RNF138: variants seen among roughly 807,000 people sequenced by gnomAD.
RNF138 encodes ring finger protein 138, also known as E3 ubiquitin-protein ligase RNF138.
Under a neutral mutation model 31.0 loss-of-function variants are expected in RNF138, and 12 were observed. The ratio of observed to expected loss-of-function variants is 0.39; its 90% CI spans 0.25 to 0.63. RNF138 has a LOEUF of 0.63. Among genes scored for constraint, RNF138 ranks in the 20% least tolerant of loss-of-function variants. The pLI, the probability that RNF138 is intolerant of heterozygous loss-of-function variation, is 0.52. For missense variants in RNF138, 192 were observed against 300.1 expected, an observed-to-expected ratio of 0.64 and a Z score of 2.66; for synonymous variants, 105 against 99.5, an observed-to-expected ratio of 1.06 and a Z score of -0.33.
chr18:32,119,339 G>T (rs1243185860), intron 4 of RNF138, among the ~76,000 whole-genome samples: 5 of 152,192 alleles, frequency 3.3e-5, no homozygotes, highest in African/African-American at 1.2e-4. Context: ...GGATCAAACA[G>T]TCCTCCCGCC....
chr18:32,128,851 A>G lies in RNF138; in HGVS notation c.670-268A>G, dbSNP rs911705659. Among the ~76,000 whole-genome samples the G allele has an allele frequency of 9.9e-5, 15 of 152,206 alleles. No homozygotes were observed. In the South Asian group the frequency reaches 1.0e-3, roughly 11 times the overall value. On this transcript the variant is annotated intron_variant, in intron 7 of 7. Coordinates refer to ENST00000261593, the MANE Select transcript of RNF138 (RefSeq NM_016271.5). ...TTTATGAATGACTTATAAAGGCATT[A>G]TAACACTCAAATTTTGTTCTGTGAT...
At chr18:32,108,900 T>TC (rs1444484652) in intron 2 of RNF138, among the ~76,000 whole-genome samples, 3 of 152,068 alleles carry the variant, frequency 2.0e-5, no homozygotes, top group Non-Finnish European at 4.4e-5. Flanking sequence ...CAGGCTGGCC[T>TC]CAAGTAATCC....
chr18:32,119,862 T>C (rs923729498), intron 4 of RNF138, among the ~76,000 whole-genome samples: 1 of 152,218 alleles, frequency 6.6e-6, no homozygotes, highest in Non-Finnish European at 1.5e-5. Context: ...ATAATCTAAT[T>C]AGTTATTACT....
At chr18:32,100,018 C>T (rs1022895343) in intron 2 of RNF138, among the ~76,000 whole-genome samples, 1 of 152,186 alleles carries the variant, frequency 6.6e-6, no homozygotes, top group Non-Finnish European at 1.5e-5. Flanking sequence ...GATTTGAGAA[C>T]TGTCAATTAT....
At position 32,113,759 on chromosome 18, in the gene RNF138, C is replaced by T; in HGVS notation, c.291C>T (p.Arg97=). The change falls in exon 4 of 8, where the codon CGC becomes CGT. Residue 97 remains arginine (R), a synonymous_variant. Coordinates refer to ENST00000261593, the MANE Select transcript of RNF138 (RefSeq NM_016271.5). The part of the protein sequence containing the change: ...RCCAKQIKFY[R]MRHHYKSCKK... ...ATAATTTACAGATTAAATTCTATCG[C>T]ATGAGACATCATTACAAATCTTGTA... The T allele has an allele frequency of 1.4e-6, 2 of 1,437,590 alleles. No individual in the cohort carries two copies. Among genetic ancestry groups the T allele is most frequent in the East Asian group, 2.5e-5 (1 of 40,344 alleles). The allele number at this position is 1,437,590 out of a possible 1,614,324, so 89.1% of individuals were successfully genotyped here. A position where few individuals can be genotyped will look rare whatever the true frequency, so the allele number is the denominator to read the frequency against.
chr18:32,127,429 C>T (rs1406181226), intron 7 of RNF138, among the ~76,000 whole-genome samples: 1 of 152,074 alleles, frequency 6.6e-6, no homozygotes, highest in African/African-American at 2.4e-5. Flanking sequence ...TTAATCAAAA[C>T]TTTATTTAAG....
intron 4 of RNF138, among the ~76,000 whole-genome samples, chr18:32,121,972 G>A (rs1482049634): frequency 4.6e-5 from 7 of 152,026 alleles, no homozygotes; most frequent in Non-Finnish European, 7.4e-5. Context: ...GGTTTCAAGC[G>A]ATTCTCATGC....
At position 32,129,964 on chromosome 18, in the gene RNF138, T is replaced by TAA. The variant is rs1350189955; in HGVS notation, c.*778_*779dup. On this transcript the variant is annotated 3_prime_UTR_variant, in exon 8 of 8. Coordinates refer to ENST00000261593, the MANE Select transcript of RNF138 (RefSeq NM_016271.5). ...TCAGTAGCCAGTATTTCTGATTAAC[T>TAA]AAGTTGAAACTCTTATTAGAAACTT... 4 of 152,190 alleles carry TAA rather than the reference T, an allele frequency of 2.6e-5. No homozygotes were observed. Among genetic ancestry groups the TAA allele is most frequent in the African/African-American group, 9.6e-5 (4 of 41,460 alleles). 9.4% of individuals were successfully genotyped at this position (152,190 alleles called of 1,614,324 possible). A position where few individuals can be genotyped will look rare whatever the true frequency, so the allele number is the denominator to read the frequency against.
At chr18:32,108,797 T>G (rs986987084) in intron 2 of RNF138, among the ~76,000 whole-genome samples, 2 of 152,166 alleles carry the variant, frequency 1.3e-5, no homozygotes, top group Admixed American at 6.5e-5. Flanking sequence ...GTCTCTCAAG[T>G]AGCTAGGACT....
intron 2 of RNF138, among the ~76,000 whole-genome samples, chr18:32,102,898 A>T (rs949883480): frequency 6.6e-6 from 1 of 150,468 alleles, no homozygotes; most frequent in African/African-American, 2.4e-5. Context: ...CACAAAGTGT[A>T]GGGATTACAG....
At position 32,131,221 on chromosome 18, in the gene RNF138, A is replaced by G. The variant is rs2040472033; in HGVS notation, c.*2034A>G. ...TCATTGATAGTCTTGTGTGTCTCACATATCAGCTTTTTCATAAGGAAAATA... is the reference window on the plus strand; with the variant it reads ...TCATTGATAGTCTTGTGTGTCTCACGTATCAGCTTTTTCATAAGGAAAATA... On this transcript the variant is annotated 3_prime_UTR_variant, in exon 8 of 8. Transcript: ENST00000261593. 6.6e-6 allele frequency: 1 copy of G among 152,166 alleles called. No individual in the cohort carries two copies. The highest frequency in any genetic ancestry group is 1.5e-5 in the Non-Finnish European group (1 of 67,956). The allele number at this position is 152,166 out of a possible 1,614,324, so 9.4% of individuals were successfully genotyped here.
At chr18:32,115,161 G>C (rs1377711033) in intron 4 of RNF138, among the ~76,000 whole-genome samples, 2 of 152,082 alleles carry the variant, frequency 1.3e-5, no homozygotes, top group African/African-American at 4.8e-5. Context: ...CATATCTCCA[G>C]CTTTTAGTAA....
At chr18:32,124,309 A>T (rs560943852) in intron 5 of RNF138, 184 of 154,780 alleles carry the variant, frequency 1.2e-3, no homozygotes, top group Non-Finnish European at 1.8e-3. Flanking sequence ...TACGATATTG[A>T]TGGAAGTCTT....
intron 5 of RNF138, 74 bp downstream of exon 5, chr18:32,123,648 T>G: frequency 9.7e-7 from 1 of 1,034,560 alleles, no homozygotes. Context: ...CTTTTTAAAT[T>G]AAACTTTTTT....
Position 32,120,518 on chromosome 18 carries a change from G to A in RNF138, c.393-3000G>A, listed in dbSNP as rs568750864. Reference sequence around the variant, plus strand: ...ATTATGGAGATTGAATTTTATTGGTGTTTCTGTATCTGATAAAATCATAAG... The same window carrying A: ...ATTATGGAGATTGAATTTTATTGGTATTTCTGTATCTGATAAAATCATAAG... On this transcript the variant is annotated intron_variant, in intron 4 of 7. Transcript: ENST00000261593. 3.3e-5 allele frequency among the ~76,000 whole-genome samples: 5 copies of A among 151,278 alleles called. No homozygotes were observed. In the South Asian group the frequency reaches 1.0e-3, roughly 31 times the overall value.
Position 32,120,879 on chromosome 18 carries a change from C to T in RNF138, c.393-2639C>T, listed in dbSNP as rs116529816. On this transcript the variant is annotated intron_variant, in intron 4 of 7. Coordinates refer to ENST00000261593, the MANE Select transcript of RNF138 (RefSeq NM_016271.5). ...ATAGTACTGGCTGGGGGCGGTGGCT[C>T]ATGTCTGTAATCCCTGTACTTTGGG... Among the ~76,000 whole-genome samples the T allele has an allele frequency of 7.2e-3, 1,101 of 152,240 alleles. 19 individuals are homozygous for T. Among genetic ancestry groups the T allele is most frequent in the African/African-American group, 0.025 (1,053 of 41,542 alleles).
intron 2 of RNF138, among the ~76,000 whole-genome samples, chr18:32,101,067 A>G (rs1278101964): frequency 6.6e-6 from 1 of 152,126 alleles, no homozygotes; most frequent in Non-Finnish European, 1.5e-5. Context: ...AGATATAGGT[A>G]TTAATTTGTG....
chr18:32,121,794 A>AT (rs2040310092), intron 4 of RNF138, among the ~76,000 whole-genome samples: 1 of 152,152 alleles, frequency 6.6e-6, no homozygotes, highest in Non-Finnish European at 1.5e-5. Flanking sequence ...ACTCTCCATA[A>AT]TTTGACTTTA....
chr18:32,101,955 C>T (rs1156793068), intron 2 of RNF138, among the ~76,000 whole-genome samples: 2 of 151,934 alleles, frequency 1.3e-5, no homozygotes, highest in Non-Finnish European at 2.9e-5. Context: ...CGGCTTACTG[C>T]AGCCTCAACC....
Sources: gnomAD v4.1 joint callset for allele counts (sites outside exome capture counted in the v4.1 genomes callset) on GRCh38, gnomAD v4.1.1 for gene constraint, MANE v1.5 for transcripts, NCBI Gene and HGNC (gene_info 2026-07-23, HGNC 2026-07-21) for gene names.